FARS2: variants seen among roughly 807,000 people sequenced by gnomAD.
FARS2 encodes the protein phenylalanyl-tRNA synthetase 2, mitochondrial.
A neutral mutation model predicts 46.4 loss-of-function variants in FARS2; 40 were observed. The observed-to-expected ratio is 0.86, with a 90% confidence interval of 0.67 to 1.12. The LOEUF (loss-of-function observed/expected upper bound fraction) is 1.12, where lower values mean the gene tolerates loss of function less well. Ranked by LOEUF, FARS2 falls within the 50% of genes most tolerant of loss-of-function variation. The probability of loss-of-function intolerance (pLI) is 0.00; values close to 1 mark genes in which losing one functional copy is unlikely to be tolerated. For missense variants in FARS2, 513 were observed against 567.9 expected (o/e 0.90, Z 0.98); for synonymous variants, 234 against 214.9 (o/e 1.09, Z -0.78).
intron 6 of FARS2, among the ~76,000 whole-genome samples, chr6:5,722,551 G>A (rs73718392): frequency 0.015 from 2,224 of 152,314 alleles, 53 homozygotes; most frequent in African/African-American, 0.049. Flanking sequence ...GCCAGCCCAG[G>A]CTTGATGGCA....
At chr6:5,553,393 A>G (rs183096250) in intron 5 of FARS2, among the ~76,000 whole-genome samples, 8 of 152,298 alleles carry the variant, frequency 5.3e-5, no homozygotes, top group Admixed American at 3.3e-4. Context: ...CCATGTCTTA[A>G]TTTAATTTTC....
chr6:5,737,387 T>C (rs1429418835), intron 6 of FARS2, among the ~76,000 whole-genome samples: 1 of 152,124 alleles, frequency 6.6e-6, no homozygotes, highest in Non-Finnish European at 1.5e-5. Flanking sequence ...AAAAATTAAC[T>C]GTACGTGGTG....
intron 5 of FARS2, among the ~76,000 whole-genome samples, chr6:5,564,706 T>C (rs551679850): frequency 1.2e-4 from 19 of 152,372 alleles, no homozygotes; most frequent in Non-Finnish European, 1.9e-4. Context: ...GATGAAACTG[T>C]TCCACAAGGA....
chr6:5,483,716 G>A (rs1183718474), intron 4 of FARS2, among the ~76,000 whole-genome samples: 1 of 152,008 alleles, frequency 6.6e-6, no homozygotes, highest in African/African-American at 2.4e-5. Flanking sequence ...TAAAGCTTGT[G>A]TTAAGGAGAC....
chr6:5,362,245 T>C (rs956706214), intron 1 of FARS2, among the ~76,000 whole-genome samples: 3 of 152,236 alleles, frequency 2.0e-5, no homozygotes, highest in Admixed American at 6.5e-5. Context: ...GTACCTGTTA[T>C]ATTCCTTCAA....
Position 5,289,706 on chromosome 6 carries a change from A to C in FARS2, c.-22+28046A>C, listed in dbSNP as rs532519459. 1.2e-4 allele frequency among the ~76,000 whole-genome samples: 18 copies of C among 152,276 alleles called. No homozygotes were observed. In the South Asian group the frequency reaches 3.5e-3, roughly 30 times the overall value. On this transcript the variant is annotated intron_variant, in intron 1 of 6. Transcript: ENST00000274680. The stretch of plus-strand genomic sequence containing the variant: ...AGTTACAAGGTTATACTCCAGTGCA[A>C]ATGAAGACTTGGCCTGTGACCAGTC...
intron 4 of FARS2, among the ~76,000 whole-genome samples, chr6:5,532,808 A>C (rs1474100750): frequency 6.6e-6 from 1 of 151,890 alleles, no homozygotes; most frequent in Non-Finnish European, 1.5e-5. Context: ...GAAGAAGAAG[A>C]AGAATGTTAA....
intron 4 of FARS2, among the ~76,000 whole-genome samples, chr6:5,464,465 G>T (rs1421526786): frequency 1.3e-5 from 2 of 152,206 alleles, no homozygotes; most frequent in Non-Finnish European, 2.9e-5. Context: ...GGATATGTTA[G>T]GGGAGAAAGA....
At chr6:5,652,465 G>A (rs1777414326) in intron 6 of FARS2, among the ~76,000 whole-genome samples, 1 of 152,226 alleles carries the variant, frequency 6.6e-6, no homozygotes, top group African/African-American at 2.4e-5. Flanking sequence ...TATCTTCCTA[G>A]GAACTCGGTA....
At chr6:5,529,380 G>A (rs144835991) in intron 4 of FARS2, among the ~76,000 whole-genome samples, 15 of 152,042 alleles carry the variant, frequency 9.9e-5, no homozygotes, top group South Asian at 2.1e-4. Context: ...CAATCTCGGC[G>A]CACTGCAACC....
chr6:5,669,138 A>T (rs1255138189), intron 6 of FARS2, among the ~76,000 whole-genome samples: 1 of 152,214 alleles, frequency 6.6e-6, no homozygotes, highest in African/African-American at 2.4e-5. Flanking sequence ...AAACAAACAG[A>T]TGTTAATTCC....
At chr6:5,293,696 G>A (rs915199476) in intron 1 of FARS2, among the ~76,000 whole-genome samples, 1 of 151,928 alleles carries the variant, frequency 6.6e-6, no homozygotes, top group African/African-American at 2.4e-5. Context: ...TTTTGTTGTC[G>A]TTGTTCATCA....
At chr6:5,414,422 C>T (rs967968512) in intron 3 of FARS2, among the ~76,000 whole-genome samples, 2 of 152,198 alleles carry the variant, frequency 1.3e-5, no homozygotes, top group African/African-American at 4.8e-5. Context: ...GCCCACTCTC[C>T]CTACCCACCA....
intron 1 of FARS2, among the ~76,000 whole-genome samples, chr6:5,274,175 T>C (rs184154102): frequency 1.8e-4 from 28 of 152,320 alleles, no homozygotes; most frequent in Non-Finnish European, 2.9e-4. Context: ...TAAAAATTAT[T>C]GAGTGACTTT....
upstream of FARS2, among the ~76,000 whole-genome samples, chr6:5,259,553 C>T (rs192754604): frequency 4.2e-3 from 643 of 152,148 alleles, 4 homozygotes; most frequent in Non-Finnish European, 7.3e-3. Context: ...AGAGGCTTAG[C>T]GTTCCTGTCC....
chr6:5,574,839 A>G (rs1772862965), intron 5 of FARS2, among the ~76,000 whole-genome samples: 1 of 152,188 alleles, frequency 6.6e-6, no homozygotes, highest in Non-Finnish European at 1.5e-5. Flanking sequence ...TCTTGCAGAT[A>G]ACGAAACCTG....
chr6:5,634,483 G>T (rs9405857), intron 6 of FARS2, among the ~76,000 whole-genome samples: 6 of 151,826 alleles, frequency 4.0e-5, no homozygotes, highest in African/African-American at 9.7e-5. Flanking sequence ...TTGTTTTTTG[G>T]TTTTTTTGTA....
intron 6 of FARS2, among the ~76,000 whole-genome samples, chr6:5,770,696 A>G (rs934558476): frequency 6.6e-6 from 1 of 152,202 alleles, no homozygotes; most frequent in African/African-American, 2.4e-5. Flanking sequence ...CAGCTGTTCT[A>G]TGCAAGCCAA....
intron 4 of FARS2, among the ~76,000 whole-genome samples, chr6:5,488,443 A>G (rs1766906445): frequency 6.6e-6 from 1 of 152,160 alleles, no homozygotes. Context: ...ATGTACTTAT[A>G]TTTGATTCCA....
Sources: gnomAD v4.1 joint callset for allele counts (sites outside exome capture counted in the v4.1 genomes callset) on GRCh38, gnomAD v4.1.1 for gene constraint, MANE v1.5 for transcripts, NCBI Gene and HGNC (gene_info 2026-07-23, HGNC 2026-07-21) for gene names.